The following TSPAN14 variants were observed in gnomAD, a reference collection of about 807,000 sequenced individuals.
TSPAN14 encodes the protein tetraspanin-14.
A neutral mutation model predicts 36.6 loss-of-function variants in TSPAN14; 16 were observed. The ratio of observed to expected loss-of-function variants is 0.44; its 90% CI spans 0.30 to 0.66. TSPAN14 has a LOEUF of 0.66. TSPAN14 is among the 30% of genes least tolerant of loss of function. The pLI is 0.12. For synonymous variants in TSPAN14, 139 were observed against 143.8 expected (o/e 0.97, Z 0.24); for missense variants, 231 against 355.1 (o/e 0.65, Z 2.81).
At chr10:80,476,003 G>A (rs950615125) in intron 1 of TSPAN14, among the ~76,000 whole-genome samples, 3 of 152,194 alleles carry the variant, frequency 2.0e-5, no homozygotes, top group African/African-American at 7.2e-5. Context: ...AAATGGTGTA[G>A]TATTTGCATA....
chr10:80,476,409 G>GTTTTTTTTTTTTTTTTTT (rs60589813), intron 1 of TSPAN14, among the ~76,000 whole-genome samples: 1 of 85,046 alleles, frequency 1.2e-5, no homozygotes, highest in Non-Finnish European at 2.2e-5. Flanking sequence ...TTGTTTTACT[G>GTTTTTTTTTTTTTTTTTT]TTTTTTTTTT....
intron 1 of TSPAN14, among the ~76,000 whole-genome samples, chr10:80,457,149 G>C (rs965624577): frequency 1.3e-5 from 2 of 152,144 alleles, no homozygotes; most frequent in African/African-American, 4.8e-5. Flanking sequence ...AGAGGTCACA[G>C]AGTAACTTGC....
chr10:80,485,186 C>CT (rs1847519868), intron 1 of TSPAN14, among the ~76,000 whole-genome samples: 1 of 144,390 alleles, frequency 6.9e-6, no homozygotes, highest in Non-Finnish European at 1.5e-5. Flanking sequence ...TAGGAAGGTT[C>CT]TTAGTCATGC....
At chr10:80,469,968 T>C (rs1169976255) in intron 1 of TSPAN14, among the ~76,000 whole-genome samples, 2 of 152,186 alleles carry the variant, frequency 1.3e-5, no homozygotes, top group African/African-American at 2.4e-5. Context: ...CAGCACTTAG[T>C]AGTGTTTGCA....
Position 80,509,756 on chromosome 10 carries a change from G to T in TSPAN14, c.450+285G>T, listed in dbSNP as rs758133496. 7.2e-6 allele frequency: 3 copies of T among 417,240 alleles called. No homozygotes were observed. Among genetic ancestry groups the T allele is most frequent in the South Asian group, 5.3e-5 (2 of 38,050 alleles). 25.8% of individuals were successfully genotyped at this position (417,240 alleles called of 1,614,324 possible). A position where few individuals can be genotyped will look rare whatever the true frequency, so the allele number is the denominator to read the frequency against. ...GCCCGGCCCTCCTCTTTCGGCCCCA[G>T]ATCTTTCCAATCCTGCCCAATAGCC... On this transcript the variant is annotated intron_variant, in intron 5 of 8. Coordinates refer to ENST00000429989, the Ensembl canonical transcript of TSPAN14. This position sits in a 1 kb window ranked among gnomAD's most constrained non-coding sequence, Gnocchi z 4.7.
intron 1 of TSPAN14, chr10:80,466,467 G>A (rs758190960): frequency 2.6e-5 from 4 of 152,120 alleles, no homozygotes; most frequent in Non-Finnish European, 5.9e-5. Context: ...TGTTGCCTTG[G>A]CTGGTCTCGA....
chr10:80,468,305 G>A (rs1846351501), intron 1 of TSPAN14, among the ~76,000 whole-genome samples: 1 of 152,220 alleles, frequency 6.6e-6, no homozygotes, highest in Admixed American at 6.5e-5. Context: ...GAACACAGGA[G>A]GGCGGTGGTC....
intron 1 of TSPAN14, among the ~76,000 whole-genome samples, chr10:80,472,566 A>G (rs1295006970): frequency 6.6e-6 from 1 of 152,350 alleles, no homozygotes; most frequent in Non-Finnish European, 1.5e-5. Flanking sequence ...TTTAGGACCC[A>G]TTGCAGATTC....
chr10:80,509,244 T>TGGG lies in TSPAN14; in HGVS notation c.280-56_280-55insGGG. On this transcript the variant is annotated intron_variant, in intron 4 of 8. Transcript: ENST00000429989. The surrounding 1 kb of genome is among the most constrained non-coding windows in gnomAD (Gnocchi z 4.7). Reference sequence around the variant, plus strand: ...GTTCTGGGTCAGGTGGGGTTATGTGTGTGGGGGTGCAGGCTGGTGGGGTGG... The same window carrying TGGG: ...GTTCTGGGTCAGGTGGGGTTATGTGTGGGGTGGGGGTGCAGGCTGGTGGGGTGG... 6.4e-7 allele frequency: 1 copy of TGGG among 1,566,902 alleles called. No homozygotes were observed. The highest frequency in any genetic ancestry group is 8.7e-7 in the Non-Finnish European group (1 of 1,148,996).
intron 1 of TSPAN14, among the ~76,000 whole-genome samples, chr10:80,460,493 T>C (rs939987172): frequency 2.6e-4 from 40 of 152,124 alleles, no homozygotes; most frequent in South Asian, 4.1e-4. Context: ...AGAATCTCTG[T>C]CAGTATCCCG....
At chr10:80,459,249 TTTC>T (rs1845866589) in intron 1 of TSPAN14, 1 of 152,316 alleles carries the variant, frequency 6.6e-6, no homozygotes, top group South Asian at 2.1e-4. Flanking sequence ...GGGCTGTGGT[TTTC>T]TTTTAGGAGG....
chr10:80,518,703 G>C (rs531255596), exon 9 of TSPAN14: 1 of 152,784 alleles, frequency 6.5e-6, no homozygotes, highest in Non-Finnish European at 1.5e-5. Context: ...CGCCGGTGGC[G>C]CGGTGGGCAT....
At chr10:80,470,480 T>C (rs918924791) in intron 1 of TSPAN14, among the ~76,000 whole-genome samples, 7 of 152,224 alleles carry the variant, frequency 4.6e-5, no homozygotes, top group African/African-American at 1.7e-4. Context: ...TGCAATTTTG[T>C]ATAAAAAGAT....
chr10:80,509,551 GGCCTTCTCTGTGGGTTGTCT>G lies in TSPAN14; in HGVS notation c.450+85_450+104del. 6.8e-7 allele frequency: 1 copy of G among 1,480,074 alleles called. No homozygotes were observed. The highest frequency in any genetic ancestry group is 9.2e-7 in the Non-Finnish European group (1 of 1,090,504). 91.7% of individuals were successfully genotyped at this position (1,480,074 alleles called of 1,614,324 possible). The stretch of plus-strand genomic sequence containing the variant: ...GGAGCTGAGTCTAGCAGGGGCATCA[GGCCTTCTCTGTGGGTTGTCT>G]GCCTGCAGCTTGGCAGACAGCAGGG... On this transcript the variant is annotated intron_variant, in intron 5 of 8. Transcript: ENST00000429989. This position sits in a 1 kb window ranked among gnomAD's most constrained non-coding sequence, Gnocchi z 4.7.
chr10:80,471,652 T>A (rs138467519), intron 1 of TSPAN14, among the ~76,000 whole-genome samples: 249 of 152,262 alleles, frequency 1.6e-3, no homozygotes, highest in African/African-American at 5.9e-3. Context: ...CTCCCTTGAG[T>A]GGGCAGCTTC....
chr10:80,499,916 AAAG>A (rs56853400), intron 2 of TSPAN14, among the ~76,000 whole-genome samples: 67,375 of 151,770 alleles, frequency 0.44, 15,557 homozygotes, highest in East Asian at 0.83. Context: ...GGAGGGAGAC[AAAG>A]AAGGTCACTT....
chr10:80,454,329 C>CGGCCGAGCCG (rs1564703464), exon 1 of TSPAN14: 2 of 152,040 alleles, frequency 1.3e-5, no homozygotes, highest in Admixed American at 6.6e-5. Context: ...CTAACTTCCT[C>CGGCCGAGCCG]GGCCGAGCCG....
intron 1 of TSPAN14, among the ~76,000 whole-genome samples, chr10:80,461,886 T>A (rs1845987319): frequency 1.3e-5 from 2 of 151,058 alleles, no homozygotes; most frequent in African/African-American, 4.9e-5. Context: ...GCCAGTATGG[T>A]TCTCACTGTT....
At chr10:80,476,969 G>A (rs1314256441) in intron 1 of TSPAN14, among the ~76,000 whole-genome samples, 2 of 152,122 alleles carry the variant, frequency 1.3e-5, no homozygotes, top group African/African-American at 4.8e-5. Flanking sequence ...CCACTTCTAG[G>A]CTCATTCAGG....
Sources: gnomAD v4.1 joint callset for allele counts (sites outside exome capture counted in the v4.1 genomes callset) on GRCh38, gnomAD v4.1.1 for gene constraint, Gnocchi (gnomAD v3.1) non-coding constraint, MANE v1.5 for transcripts, NCBI Gene and HGNC (gene_info 2026-07-23, HGNC 2026-07-21) for gene names.